B9D1: variants seen among roughly 807,000 people sequenced by gnomAD.
The protein encoded by B9D1 is B9 domain-containing protein 1.
A neutral mutation model predicts 26.1 loss-of-function variants in B9D1; 20 were observed. That is an observed-to-expected ratio of 0.77 (90% CI 0.54 to 1.12). The LOEUF is 1.12. B9D1 is among the 50% of genes most tolerant of loss of function. The pLI, the probability that B9D1 is intolerant of heterozygous loss-of-function variation, is 0.00. For missense variants in B9D1, 260 were observed against 273.7 expected (o/e 0.95, Z 0.35); for synonymous variants, 105 against 103.1 (o/e 1.02, Z -0.11).
Position 19,347,964 on chromosome 17 carries a change from G to A in B9D1, c.245-84C>T. The A allele has an allele frequency of 8.3e-7, 1 of 1,198,494 alleles. No individual in the cohort carries two copies. The highest frequency in any genetic ancestry group is 1.2e-6 in the Non-Finnish European group (1 of 819,534). The allele number at this position is 1,198,494 out of a possible 1,614,324, so 74.2% of individuals were successfully genotyped here. On this transcript the variant is annotated intron_variant, in intron 3 of 6. Transcript: ENST00000261499. The surrounding 1 kb of genome is among the most constrained non-coding windows in gnomAD (Gnocchi z 4.3). ...AGAGAACAGGGCGTGTCCAGCTGAG[G>A]GTGCTCAAAGGATGGAGCTCAAAAC...
rs1911861288 is a variant in B9D1, at chr17:19,370,894, G to A, written c.-298+6965C>T. ...GCCACACTGAGCTGAGCCAAGGCAGGGGTCAATTCTGAAGGCCTGGATCCT... is the reference window on the plus strand; with the variant it reads ...GCCACACTGAGCTGAGCCAAGGCAGAGGTCAATTCTGAAGGCCTGGATCCT... On this transcript the variant is annotated intron_variant, in intron 1 of 5. Coordinates refer to the B9D1 transcript ENST00000477478. The surrounding 1 kb of genome is among the most constrained non-coding windows in gnomAD (Gnocchi z 5.1). Among the ~76,000 whole-genome samples, 1 of 152,208 alleles carries A rather than the reference G, an allele frequency of 6.6e-6. No individual in the cohort carries two copies. Among genetic ancestry groups the A allele is most frequent in the Non-Finnish European group, 1.5e-5 (1 of 68,020 alleles).
rs946631759 is a variant in B9D1 at position 19,377,878 on chromosome 17, G to C, written c.-317C>G. ...AGATACCTAGAAGCCAGGAAACCGC[G>C]AGCTGCAGTCCAACTTGGCCGGAAG... On this transcript the variant is annotated 5_prime_UTR_variant, in exon 1 of 6. Coordinates refer to the B9D1 transcript ENST00000477478. 20 of 985,280 alleles carry C rather than the reference G, an allele frequency of 2.0e-5. No homozygotes were observed. In the African/African-American group the frequency reaches 3.1e-4, roughly 15 times the overall value. The allele number at this position is 985,280 out of a possible 1,614,324, so 61.0% of individuals were successfully genotyped here.
chr17:19,355,062 T>G (rs1318252828), intron 3 of B9D1, among the ~76,000 whole-genome samples: 2 of 152,204 alleles, frequency 1.3e-5, no homozygotes, highest in African/African-American at 4.8e-5. Context: ...TATGGCAGAC[T>G]TTCAGTATTC....
At chr17:19,341,014 C>G (rs1040760987), downstream of B9D1, 1 of 631,778 alleles carries the variant, frequency 1.6e-6, no homozygotes, top group Admixed American at 4.8e-5. Context: ...AAGTACGGAA[C>G]AGGAAATTGG....
downstream of B9D1, chr17:19,335,280 T>C (rs1249158430): frequency 1.1e-6 from 1 of 934,326 alleles, no homozygotes; most frequent in Non-Finnish European, 1.5e-6. Flanking sequence ...TCAGCCTTTT[T>C]GGCTAGATCC....
At chr17:19,348,500 C>G (rs1046988318) in intron 3 of B9D1, among the ~76,000 whole-genome samples, 4 of 152,160 alleles carry the variant, frequency 2.6e-5, no homozygotes, top group African/African-American at 9.7e-5. Flanking sequence ...CCTGCAGCCA[C>G]GACTGAGGCA....
intron 1 of B9D1, among the ~76,000 whole-genome samples, chr17:19,369,452 T>G (rs1450763535): frequency 6.6e-6 from 1 of 152,180 alleles, no homozygotes; most frequent in Non-Finnish European, 1.5e-5. Context: ...TATTTTATAT[T>G]TTATTTTTTC....
downstream of B9D1, chr17:19,336,080 C>G (rs985530155): frequency 3.9e-5 from 6 of 152,306 alleles, no homozygotes; most frequent in African/African-American, 1.4e-4. Flanking sequence ...CATGCAGGCT[C>G]TGAGTGGGGA....
chr17:19,371,064 C>G (rs1911868065), intron 1 of B9D1, among the ~76,000 whole-genome samples: 1 of 152,234 alleles, frequency 6.6e-6, no homozygotes, highest in African/African-American at 2.4e-5. Context: ...TAGATGCAAT[C>G]ATCCCCTGCG....
At chr17:19,337,826 A>C, downstream of B9D1, 1 of 717,634 alleles carries the variant, frequency 1.4e-6, no homozygotes, top group Non-Finnish European at 2.1e-6. Context: ...TGCCACTCAC[A>C]CCAGTGCCAG....
chr17:19,360,538 G>A (rs1047713288), intron 1 of B9D1, 150 bp from the exon 2 acceptor site: 3 of 735,384 alleles, frequency 4.1e-6, no homozygotes, highest in Non-Finnish European at 7.3e-6. Context: ...AGGAGAGGCT[G>A]AGGACCAAGA....
At chr17:19,375,723 T>C (rs926013502) in intron 1 of B9D1, among the ~76,000 whole-genome samples, 12 of 152,182 alleles carry the variant, frequency 7.9e-5, no homozygotes, top group African/African-American at 1.9e-4. Flanking sequence ...GCCTGGGCGA[T>C]AGAGTGAGAC....
chr17:19,343,861 G>A lies in B9D1; in HGVS notation c.405-4C>T, dbSNP rs753382546. On this transcript the variant is annotated splice_region_variant and splice_polypyrimidine_tract_variant and intron_variant, in intron 5 of 6. Coordinates refer to ENST00000261499, the MANE Select transcript of B9D1 (RefSeq NM_015681.6). ...GGGCCGCCGCCCCATGAACCAGCTG[G>A]GAACACAGAAGAACACAGGTGAGCA... 2.5e-6 allele frequency: 4 copies of A among 1,613,888 alleles called. No individual in the cohort carries two copies. The South Asian group carries it at 4.4e-5, about 18-fold the overall frequency.
At chr17:19,352,513 A>AGT (rs1185685443) in intron 3 of B9D1, among the ~76,000 whole-genome samples, 1 of 125,116 alleles carries the variant, frequency 8.0e-6, no homozygotes, top group African/African-American at 3.0e-5. Context: ...GGGCCTGGCT[A>AGT]ATTTTTTTTT....
At chr17:19,361,632 G>A (rs1911087542) in intron 1 of B9D1, among the ~76,000 whole-genome samples, 1 of 152,124 alleles carries the variant, frequency 6.6e-6, no homozygotes, top group African/African-American at 2.4e-5. Context: ...GGACAGGGTG[G>A]GAGCATGGAG....
At chr17:19,364,811 G>A (rs902194793), upstream of B9D1, among the ~76,000 whole-genome samples, 10 of 152,336 alleles carry the variant, frequency 6.6e-5, no homozygotes, top group Middle Eastern at 3.4e-3. The surrounding 1 kb of genome is among the most constrained non-coding windows in gnomAD (Gnocchi z 4.3). Context: ...ACACTCCCAC[G>A]CAGTCCCCTC....
chr17:19,354,196 G>A (rs908948131), intron 3 of B9D1, among the ~76,000 whole-genome samples: 2 of 152,050 alleles, frequency 1.3e-5, no homozygotes, highest in Non-Finnish European at 2.9e-5. Context: ...AGTTCACTGT[G>A]GTCAAAGAAA....
Position 19,370,436 on chromosome 17 carries a change from C to T in B9D1, c.-298+7423G>A, listed in dbSNP as rs1444995397. 6.6e-6 allele frequency among the ~76,000 whole-genome samples: 1 copy of T among 152,128 alleles called. No homozygotes were observed. Among genetic ancestry groups the T allele is most frequent in the Non-Finnish European group, 1.5e-5 (1 of 68,034 alleles). On this transcript the variant is annotated intron_variant, in intron 1 of 5. Coordinates refer to the B9D1 transcript ENST00000477478. The surrounding 1 kb of genome is among the most constrained non-coding windows in gnomAD (Gnocchi z 5.1). ...GCGTGTGGCTGTGTGGTTGACATCT[C>T]GATGACATGTGCTGTGTGTGTCCCT...
Position 19,343,407 on chromosome 17 carries a change from T to A in B9D1, c.527A>T (p.Lys176Met), listed in dbSNP as rs766184795. 1.2e-6 allele frequency: 2 copies of A among 1,614,152 alleles called. No homozygotes were observed. Among genetic ancestry groups the A allele is most frequent in the Non-Finnish European group, 1.7e-6 (2 of 1,180,016 alleles). ...FVTLLFNVVT[K>M]DMRKLGYDTG... ...GTCATAGCCCAGTTTCCTCATGTCC[T>A]TGGTCACCACGTTGAAGAGGAGGGT... The change falls in exon 7 of 7, where the codon AAG becomes ATG. Residue 176 changes from lysine to methionine, a missense_variant. Physicochemically the swap from Lys to Met is moderately conservative, Grantham distance 95. Coordinates refer to ENST00000261499, the MANE Select transcript of B9D1 (RefSeq NM_015681.6).
Sources: gnomAD v4.1 joint callset for allele counts (sites outside exome capture counted in the v4.1 genomes callset) on GRCh38, gnomAD v4.1.1 for gene constraint, Gnocchi (gnomAD v3.1) non-coding constraint, MANE v1.5 for transcripts, NCBI Gene and HGNC (gene_info 2026-07-23, HGNC 2026-07-21) for gene names.